The following MS4A2 variants were observed in gnomAD, a reference collection of about 807,000 sequenced individuals.
The protein encoded by MS4A2 is high affinity immunoglobulin epsilon receptor subunit beta.
MS4A2 carries 26 observed loss-of-function variants against 27.9 expected under a neutral mutation model. The ratio of observed to expected loss-of-function variants is 0.93; its 90% CI spans 0.68 to 1.29. MS4A2 has a LOEUF of 1.29. Among genes scored for constraint, MS4A2 ranks in the 50% most tolerant of loss-of-function variants. The probability of loss-of-function intolerance (pLI) is 0.00; values close to 1 mark genes in which losing one functional copy is unlikely to be tolerated. For missense variants in MS4A2, 284 were observed against 284.6 expected, an observed-to-expected ratio of 1.00 and a Z score of 0.01; for synonymous variants, 110 against 98.8, an observed-to-expected ratio of 1.11 and a Z score of -0.67.
At chr11:60,090,732 T>A (rs902829319) in intron 3 of MS4A2, among the ~76,000 whole-genome samples, 1 of 152,340 alleles carries the variant, frequency 6.6e-6, no homozygotes, top group East Asian at 1.9e-4. Flanking sequence ...ATGACTTGCC[T>A]AAGGGCCACT....
rs991743346 is a variant in MS4A2, at chr11:60,097,121, T to C, written c.*1465T>C. The C allele has an allele frequency of 6.6e-6, 1 of 152,094 alleles. No homozygotes were observed. The highest frequency in any genetic ancestry group is 1.5e-5 in the Non-Finnish European group (1 of 68,018). The allele number at this position is 152,094 out of a possible 1,614,324, so 9.4% of individuals were successfully genotyped here. ...ATTATTAAATGAAGCAAGTTAACAC[T>C]CTAAGAGAATTATTTTGAGATAGAA... On this transcript the variant is annotated 3_prime_UTR_variant, in exon 7 of 7. Coordinates refer to ENST00000278888, the MANE Select transcript of MS4A2 (RefSeq NM_000139.5).
rs537871888 is a variant in MS4A2 at position 60,097,113 on chromosome 11, G to A, written c.*1457G>A. 6.6e-6 allele frequency: 1 copy of A among 152,172 alleles called. No individual in the cohort carries two copies. The highest frequency in any genetic ancestry group is 1.9e-4 in the East Asian group (1 of 5,174). 9.4% of individuals were successfully genotyped at this position (152,172 alleles called of 1,614,324 possible). ...GAGAAATCATTATTAAATGAAGCAAGTTAACACTCTAAGAGAATTATTTTG... is the reference window on the plus strand; with the variant it reads ...GAGAAATCATTATTAAATGAAGCAAATTAACACTCTAAGAGAATTATTTTG... On this transcript the variant is annotated 3_prime_UTR_variant, in exon 7 of 7. Coordinates refer to ENST00000278888, the MANE Select transcript of MS4A2 (RefSeq NM_000139.5).
chr11:60,090,313 GA>G, intron 2 of MS4A2, 22 bp from the exon 3 acceptor site: 1 of 1,609,886 alleles, frequency 6.2e-7, no homozygotes, highest in South Asian at 1.1e-5. Context: ...TGATTTTCAT[GA>G]AATTCATGTG....
In MS4A2 at chr11:60,091,550, C is replaced by T. The variant is rs554170127; in HGVS notation, c.321+1080C>T. Among the ~76,000 whole-genome samples, 94 of 152,296 alleles carry T rather than the reference C, an allele frequency of 6.2e-4. 1 individual carries two copies. The South Asian group carries it at 0.019, about 31-fold the overall frequency. On this transcript the variant is annotated intron_variant, in intron 3 of 6. Coordinates refer to ENST00000278888, the MANE Select transcript of MS4A2 (RefSeq NM_000139.5). ...TCCCTCCACTCCTTGTCCTCTCGTT[C>T]CCAAGAAAACATTGATCTGCTTTCT...
In MS4A2 at chr11:60,098,110, A is replaced by G. The variant is rs1347095281; in HGVS notation, c.*2454A>G. 1 of 152,200 alleles carries G rather than the reference A, an allele frequency of 6.6e-6. No homozygotes were observed. Among genetic ancestry groups the G allele is most frequent in the African/African-American group, 2.4e-5 (1 of 41,446 alleles). 9.4% of individuals were successfully genotyped at this position (152,200 alleles called of 1,614,324 possible). Reference sequence around the variant, plus strand: ...TCAATTTATATTTTCATCATTGACTACATATTTCTTATACACAACACACAA... The same window carrying G: ...TCAATTTATATTTTCATCATTGACTGCATATTTCTTATACACAACACACAA... On this transcript the variant is annotated 3_prime_UTR_variant, in exon 7 of 7. Coordinates refer to ENST00000278888, the MANE Select transcript of MS4A2 (RefSeq NM_000139.5).
chr11:60,090,283 C>G lies in MS4A2; in HGVS notation c.187-53C>G. 7 of 1,580,528 alleles carry G rather than the reference C, an allele frequency of 4.4e-6. No individual in the cohort carries two copies. In the Middle Eastern group the frequency reaches 1.2e-3, roughly 274 times the overall value. On this transcript the variant is annotated intron_variant, in intron 2 of 6. Transcript: ENST00000278888. ...TGGCTTCTATTATTAAAAAATGATA[C>G]AATCTCGGGAAAATTTTTTTGATTT...
chr11:60,092,296 CTTTT>C (rs3038646), intron 3 of MS4A2, among the ~76,000 whole-genome samples: 1 of 139,914 alleles, frequency 7.1e-6, no homozygotes. Context: ...TTCATATACA[CTTTT>C]TTTTTTTTTT....
intron 3 of MS4A2, among the ~76,000 whole-genome samples, chr11:60,092,397 G>A (rs1186652575): frequency 6.6e-6 from 1 of 151,340 alleles, no homozygotes; most frequent in East Asian, 2.0e-4. Context: ...CCGGGTTCAA[G>A]TGATTCTCCT....
At chr11:60,092,182 G>T (rs148975456) in intron 3 of MS4A2, among the ~76,000 whole-genome samples, 7 of 152,038 alleles carry the variant, frequency 4.6e-5, no homozygotes, top group Admixed American at 2.0e-4. Flanking sequence ...CCCCTGCATT[G>T]TCAGGGTTAG....
intron 2 of MS4A2, 47 bp from the exon 3 acceptor site, chr11:60,090,289 C>CG (rs777729328): frequency 6.3e-7 from 1 of 1,595,930 alleles, no homozygotes; most frequent in South Asian, 1.1e-5. Flanking sequence ...GATACAATCT[C>CG]GGGAAAATTT....
intron 1 of MS4A2, 67 bp downstream of exon 1, chr11:60,088,888 T>G (rs1590630001): frequency 6.1e-6 from 9 of 1,464,332 alleles, no homozygotes; most frequent in Non-Finnish European, 7.6e-6. Context: ...ATAGTCACGG[T>G]GCTTAGGAGA....
intron 3 of MS4A2, 109 bp downstream of exon 3, chr11:60,090,579 C>A: frequency 1.1e-5 from 11 of 970,174 alleles, no homozygotes; most frequent in Non-Finnish European, 1.5e-5. Flanking sequence ...ATTTATAATT[C>A]TTAATTATAA....
intron 1 of MS4A2, among the ~76,000 whole-genome samples, chr11:60,089,450 A>G (rs1855715948): frequency 6.6e-6 from 1 of 152,226 alleles, no homozygotes; most frequent in Admixed American, 6.5e-5. Flanking sequence ...TGGATTAAGA[A>G]TAGGAAAATT....
chr11:60,094,013 CTG>C lies in MS4A2; in HGVS notation c.591_592del (p.Ser198ThrfsTer22). 1 of 1,613,966 alleles carries C rather than the reference CTG, an allele frequency of 6.2e-7. No individual in the cohort carries two copies. The highest frequency in any genetic ancestry group is 8.5e-7 in the Non-Finnish European group (1 of 1,179,864). On this transcript the variant is annotated frameshift_variant, in exon 6 of 7. Coordinates refer to ENST00000278888, the MANE Select transcript of MS4A2 (RefSeq NM_000139.5). LOFTEE classifies it high-confidence loss of function. ...CTCACCATTCTGGGACTTGGTAGTG[CTG>C]TGTCACTCACAATCTGTGGAGCTGG...
chr11:60,093,751 T>A, intron 5 of MS4A2, 193 bp downstream of exon 5: 1 of 881,830 alleles, frequency 1.1e-6, no homozygotes. Flanking sequence ...TTCCTCGGGG[T>A]TAAAGTTATC....
chr11:60,095,713 T>G lies in MS4A2; in HGVS notation c.*57T>G. 1.7e-6 allele frequency: 2 copies of G among 1,178,062 alleles called. No individual in the cohort carries two copies. Among genetic ancestry groups the G allele is most frequent in the Non-Finnish European group, 2.6e-6 (2 of 783,668 alleles). 73.0% of individuals were successfully genotyped at this position (1,178,062 alleles called of 1,614,324 possible). On this transcript the variant is annotated 3_prime_UTR_variant, in exon 7 of 7. Transcript: ENST00000278888. ...GCCAAGGATCCAGAAGGCCAAGGTC[T>G]TGTTAAGGGGCTACTGGAAAAATTT... is the stretch of plus-strand genomic sequence containing the variant.
intron 3 of MS4A2, among the ~76,000 whole-genome samples, chr11:60,090,899 C>T (rs1330961125): frequency 2.0e-5 from 3 of 152,170 alleles, no homozygotes; most frequent in Admixed American, 6.5e-5. Flanking sequence ...CACCCGTAAT[C>T]CCAGCACTTT....
At chr11:60,093,888 G>A in intron 5 of MS4A2, 76 bp from the exon 6 acceptor site, 2 of 1,082,532 alleles carry the variant, frequency 1.8e-6, no homozygotes, top group Non-Finnish European at 2.8e-6. Flanking sequence ...GAAAACAGGA[G>A]ATGCTATAAG....
chr11:60,093,286 A>C (rs1483382112), intron 4 of MS4A2, 114 bp from the exon 5 acceptor site: 2 of 1,394,848 alleles, frequency 1.4e-6, no homozygotes, highest in African/African-American at 2.9e-5. Flanking sequence ...TTTTAACCAA[A>C]ATTTGGAAGC....
Sources: gnomAD v4.1 joint callset for allele counts (sites outside exome capture counted in the v4.1 genomes callset) on GRCh38, gnomAD v4.1.1 for gene constraint, MANE v1.5 for transcripts, NCBI Gene and HGNC (gene_info 2026-07-23, HGNC 2026-07-21) for gene names.